C8orf34: variants seen among roughly 807,000 people sequenced by gnomAD.
C8orf34 encodes the protein chromosome 8 open reading frame 34, also known as uncharacterized protein C8orf34.
C8orf34 carries 65 observed loss-of-function variants against 68.3 expected under a neutral mutation model. That is an observed-to-expected ratio of 0.95 (90% CI 0.78 to 1.17). The LOEUF (loss-of-function observed/expected upper bound fraction) is 1.17. C8orf34 is among the 50% of genes most tolerant of loss of function. The probability of loss-of-function intolerance (pLI) is 0.00; values close to 1 mark genes in which losing one functional copy is unlikely to be tolerated. For synonymous variants in C8orf34, 244 were observed against 241.2 expected, an observed-to-expected ratio of 1.01 and a Z score of -0.11; for missense variants, 664 against 655.4, an observed-to-expected ratio of 1.01 and a Z score of -0.14.
chr8:68,620,119 G>A (rs972193950), intron 7 of C8orf34, among the ~76,000 whole-genome samples: 3 of 152,196 alleles, frequency 2.0e-5, no homozygotes, highest in Non-Finnish European at 4.4e-5. Flanking sequence ...GTGAAATGGG[G>A]TGAAGAGAAA....
intron 1 of C8orf34, among the ~76,000 whole-genome samples, chr8:68,347,927 G>A (rs1161358039): frequency 1.3e-5 from 2 of 151,732 alleles, no homozygotes; most frequent in Non-Finnish European, 2.9e-5. Flanking sequence ...TTTACTCTGT[G>A]GATATTTTCT....
intron 10 of C8orf34, among the ~76,000 whole-genome samples, chr8:68,773,046 A>G (rs572269105): frequency 6.6e-6 from 1 of 152,272 alleles, no homozygotes; most frequent in South Asian, 2.1e-4. Context: ...AATTACCAAA[A>G]TACTATGTTG....
chr8:68,588,957 T>A (rs967170383), intron 7 of C8orf34, among the ~76,000 whole-genome samples: 1 of 152,132 alleles, frequency 6.6e-6, no homozygotes, highest in Non-Finnish European at 1.5e-5. Context: ...ACAGACAGTA[T>A]GTAAATGAGT....
chr8:68,482,710 T>C (rs1812913122), intron 4 of C8orf34, among the ~76,000 whole-genome samples: 3 of 152,180 alleles, frequency 2.0e-5, no homozygotes, highest in Admixed American at 2.0e-4. Flanking sequence ...ACTCTGAAAA[T>C]AAGCCCTGAT....
chr8:68,720,469 A>C (rs1821639491), intron 9 of C8orf34, among the ~76,000 whole-genome samples: 1 of 151,914 alleles, frequency 6.6e-6, no homozygotes, highest in Non-Finnish European at 1.5e-5. Context: ...CAACAGAAAA[A>C]TCTGTCTCCA....
chr8:68,530,488 C>A (rs1815196885), intron 6 of C8orf34: 2 of 321,014 alleles, frequency 6.2e-6, no homozygotes, highest in South Asian at 3.0e-5. Flanking sequence ...TTAGATCTAT[C>A]AGCTAAGAAA....
At chr8:68,800,890 T>C (rs1333741252) in intron 12 of C8orf34, among the ~76,000 whole-genome samples, 1 of 152,190 alleles carries the variant, frequency 6.6e-6, no homozygotes, top group Admixed American at 6.5e-5. Context: ...GTTGGTGTTC[T>C]GAATCCAAAA....
At chr8:68,528,978 A>T (rs955131098) in intron 6 of C8orf34, among the ~76,000 whole-genome samples, 2 of 152,136 alleles carry the variant, frequency 1.3e-5, no homozygotes, top group Non-Finnish European at 2.9e-5. Flanking sequence ...TCCTCCACTC[A>T]GCGCTAGGTC....
At chr8:68,816,864 C>T (rs868525659) in intron 13 of C8orf34, among the ~76,000 whole-genome samples, 3 of 152,060 alleles carry the variant, frequency 2.0e-5, no homozygotes, top group Admixed American at 2.0e-4. Flanking sequence ...AAAAAAGAGA[C>T]TGATTAGAAA....
intron 7 of C8orf34, among the ~76,000 whole-genome samples, chr8:68,543,695 T>C (rs115852505): frequency 0.018 from 2,675 of 152,276 alleles, 85 homozygotes; most frequent in African/African-American, 0.059. Context: ...AACATTAAAA[T>C]CCAAATTCAT....
chr8:68,799,721 G>A (rs530620513), intron 12 of C8orf34, among the ~76,000 whole-genome samples: 1 of 152,152 alleles, frequency 6.6e-6, no homozygotes, highest in Admixed American at 6.5e-5. Flanking sequence ...TCAAGTTATA[G>A]AGAAGTCCAT....
rs575851130 is a variant in C8orf34 at position 68,787,746 on chromosome 8, C to T, written c.1549+210C>T. ...TATGGTACAGAGACTCATAGACTAA[C>T]TTTCTAGAAAAAAAAAGCAATTCTT... On this transcript the variant is annotated intron_variant, in intron 12 of 13. Transcript: ENST00000518698. The T allele has an allele frequency of 1.4e-3, 462 of 321,320 alleles. 1 individual carries two copies. The highest frequency in any genetic ancestry group is 9.0e-3 in the African/African-American group (423 of 47,040). 19.9% of individuals were successfully genotyped at this position (321,320 alleles called of 1,614,324 possible).
intron 7 of C8orf34, among the ~76,000 whole-genome samples, chr8:68,610,233 G>A (rs576633793): frequency 5.2e-4 from 79 of 152,238 alleles, no homozygotes; most frequent in African/African-American, 1.7e-3. Context: ...CTGGAAGAGC[G>A]GATGCATGAG....
intron 10 of C8orf34, among the ~76,000 whole-genome samples, chr8:68,728,760 C>T (rs893199571): frequency 2.0e-5 from 3 of 152,182 alleles, no homozygotes; most frequent in African/African-American, 4.8e-5. Flanking sequence ...CTGAGAGATA[C>T]AATTCAAGTT....
intron 10 of C8orf34, among the ~76,000 whole-genome samples, chr8:68,755,445 G>A (rs923434116): frequency 6.6e-6 from 1 of 152,180 alleles, no homozygotes; most frequent in African/African-American, 2.4e-5. Context: ...TCATGACTAT[G>A]CTATGTTCTT....
chr8:68,371,268 G>A (rs1332862731), intron 1 of C8orf34, among the ~76,000 whole-genome samples: 1 of 152,078 alleles, frequency 6.6e-6, no homozygotes, highest in African/African-American at 2.4e-5. Context: ...TCATTGTAAT[G>A]GTACAATCTT....
At chr8:68,560,227 C>T (rs1037111836) in intron 7 of C8orf34, among the ~76,000 whole-genome samples, 139 of 151,456 alleles carry the variant, frequency 9.2e-4, no homozygotes, top group African/African-American at 2.8e-3. Flanking sequence ...ACAGAGGTGC[C>T]GAGAGACAGT....
intron 7 of C8orf34, among the ~76,000 whole-genome samples, chr8:68,563,369 A>G (rs1209789430): frequency 6.6e-6 from 1 of 152,172 alleles, no homozygotes; most frequent in African/African-American, 2.4e-5. Context: ...TCTGTTTAGC[A>G]AAGAGAGGTT....
At chr8:68,737,533 T>C (rs1822156165) in intron 10 of C8orf34, among the ~76,000 whole-genome samples, 1 of 151,938 alleles carries the variant, frequency 6.6e-6, no homozygotes, top group Non-Finnish European at 1.5e-5. Flanking sequence ...ACCCATCTCA[T>C]ATGCAATGCC....
Sources: gnomAD v4.1 joint callset for allele counts (sites outside exome capture counted in the v4.1 genomes callset) on GRCh38, gnomAD v4.1.1 for gene constraint, MANE v1.5 for transcripts, NCBI Gene and HGNC (gene_info 2026-07-23, HGNC 2026-07-21) for gene names.